Variants in DOK7 observed in about 807,000 individuals in gnomAD.
The protein encoded by DOK7 is protein Dok-7.
Under a neutral mutation model 30.7 loss-of-function variants are expected in DOK7, and 32 were observed. The ratio of observed to expected loss-of-function variants is 1.04; its 90% CI spans 0.79 to 1.40. The LOEUF (loss-of-function observed/expected upper bound fraction) is 1.40. Among genes scored for constraint, DOK7 ranks in the 40% most tolerant of loss-of-function variants. The pLI, the probability that DOK7 is intolerant of heterozygous loss-of-function variation, is 0.00. For missense variants in DOK7, 1,007 were observed against 699.2 expected (o/e 1.44, Z -4.97); for synonymous variants, 447 against 324.1 (o/e 1.38, Z -4.07).
chr4:3,495,923 G>T (rs1049071707), downstream of DOK7, among the ~76,000 whole-genome samples: 1 of 152,184 alleles, frequency 6.6e-6, no homozygotes, highest in Non-Finnish European at 1.5e-5. Context: ...CCTCGTGTGA[G>T]GGTCCCAGCC....
At chr4:3,475,720 C>T (rs1727014914) in intron 3 of DOK7, among the ~76,000 whole-genome samples, 2 of 152,140 alleles carry the variant, frequency 1.3e-5, no homozygotes, top group African/African-American at 4.8e-5. Flanking sequence ...TGGGGGATCC[C>T]TGAGCCTCGG....
intron 5 of DOK7, among the ~76,000 whole-genome samples, chr4:3,486,596 G>A (rs1310338528): frequency 6.6e-6 from 1 of 152,228 alleles, no homozygotes; most frequent in Non-Finnish European, 1.5e-5. Context: ...GGCAGCCCTG[G>A]GAGTGGGGAG....
At chr4:3,485,899 A>G (rs1395230500) in intron 5 of DOK7, among the ~76,000 whole-genome samples, 1 of 151,964 alleles carries the variant, frequency 6.6e-6, no homozygotes, top group Admixed American at 6.5e-5. Flanking sequence ...CGGGGGTCCG[A>G]GCTGTTGGAA....
chr4:3,479,601 C>G (rs1201124105), intron 4 of DOK7, among the ~76,000 whole-genome samples: 9 of 152,364 alleles, frequency 5.9e-5, no homozygotes, highest in Non-Finnish European at 1.5e-5. Flanking sequence ...CTCACTTGGC[C>G]CCGCCACAGC....
rs138797230 is a variant in DOK7, at chr4:3,493,165, C to G, written c.1179C>G (p.Val393=). The G allele has an allele frequency of 7.5e-6, 12 of 1,607,232 alleles. No individual in the cohort carries two copies. In the African/African-American group the frequency reaches 9.4e-5, roughly 13 times the overall value. ...TGTGCACCTGCCTGCCCGGGACAGT[C>G]GAGTACCAGGTGCCCACCTCCCTGC... The part of the protein sequence containing the change: ...PSLCTCLPGT[V]EYQVPTSLRA... Residue 393 remains valine (V), a synonymous_variant, in exon 7 of 7, where the codon GTC becomes GTG. Transcript: ENST00000340083.
At chr4:3,477,885 T>C (rs555858972) in intron 4 of DOK7, among the ~76,000 whole-genome samples, 1 of 152,128 alleles carries the variant, frequency 6.6e-6, no homozygotes, top group Non-Finnish European at 1.5e-5. Context: ...CGGGGTCCCA[T>C]CTGCCCCCAG....
At chr4:3,470,457 C>T (rs1726692787) in intron 2 of DOK7, among the ~76,000 whole-genome samples, 2 of 152,164 alleles carry the variant, frequency 1.3e-5, no homozygotes, top group South Asian at 4.1e-4. Context: ...AGACAGAGTC[C>T]AGAAAAGTCA....
At chr4:3,482,744 A>G (rs966017324) in intron 4 of DOK7, among the ~76,000 whole-genome samples, 17 of 152,308 alleles carry the variant, frequency 1.1e-4, no homozygotes, top group Non-Finnish European at 1.6e-4. Flanking sequence ...GTCTTGGGGA[A>G]GGGGCAGGGG....
downstream of DOK7, among the ~76,000 whole-genome samples, chr4:3,495,526 G>A (rs115112476): frequency 4.1e-3 from 617 of 152,342 alleles, 7 homozygotes; most frequent in African/African-American, 0.014. Flanking sequence ...CTCTCCTCAC[G>A]ATGCTCGTGA....
intron 5 of DOK7, among the ~76,000 whole-genome samples, chr4:3,487,130 G>A (rs766199698): frequency 4.6e-5 from 7 of 152,210 alleles, no homozygotes; most frequent in East Asian, 1.9e-4. Context: ...AGAGTCAGCT[G>A]GGAGCTCTCA....
At chr4:3,473,682 G>T in intron 3 of DOK7, 46 bp downstream of exon 3, 1 of 1,497,480 alleles carries the variant, frequency 6.7e-7, no homozygotes, top group Non-Finnish European at 9.0e-7. Context: ...CCGTTCAGGT[G>T]TGCCGGGGCC....
intron 6 of DOK7, 125 bp from the exon 7 acceptor site, chr4:3,492,634 T>TG: frequency 1.5e-6 from 2 of 1,357,984 alleles, no homozygotes; most frequent in Non-Finnish European, 2.0e-6. Context: ...CCCCGGGGCT[T>TG]GGGGGCTGGA....
chr4:3,491,004 CTTCTT>C (rs1728354254), intron 6 of DOK7, among the ~76,000 whole-genome samples: 1 of 91,706 alleles, frequency 1.1e-5, no homozygotes, highest in Non-Finnish European at 2.5e-5. Flanking sequence ...TTCCTTCCTT[CTTCTT>C]CCTGCTCATT....
chr4:3,486,778 G>A (rs1172445096), intron 5 of DOK7, among the ~76,000 whole-genome samples: 1 of 151,928 alleles, frequency 6.6e-6, no homozygotes, highest in Non-Finnish European at 1.5e-5. Context: ...AGGTGTGGAT[G>A]GTGTGGTCAG....
rs116435392 is a variant in DOK7 at position 3,477,438 on chromosome 4, C to T, written c.532+896C>T. 1.8e-3 allele frequency among the ~76,000 whole-genome samples: 281 copies of T among 152,360 alleles called. 1 individual carries two copies. The highest frequency in any genetic ancestry group is 6.4e-3 in the African/African-American group (267 of 41,584). ...GGTGGAGGAAACGCAGGCAAGGACA[C>T]GGGCCACACTGGCCGCCTGGGACCT... On this transcript the variant is annotated intron_variant, in intron 4 of 6. Coordinates refer to ENST00000340083, the MANE Select transcript of DOK7 (RefSeq NM_173660.5).
At chr4:3,467,200 C>T (rs1319200484) in intron 2 of DOK7, among the ~76,000 whole-genome samples, 2 of 146,450 alleles carry the variant, frequency 1.4e-5, no homozygotes, top group South Asian at 2.3e-4. Flanking sequence ...CCCCCCACTG[C>T]GTCCCCGGCC....
intron 2 of DOK7, among the ~76,000 whole-genome samples, chr4:3,468,110 GTGTGTGTGCATGTGAATACC>G (rs1264644555): frequency 6.6e-6 from 1 of 152,218 alleles, no homozygotes; most frequent in Non-Finnish European, 1.5e-5. Flanking sequence ...CTGTGTCCAC[GTGTGTGTGCATGTGAATACC>G]TGTGTGTGCA....
downstream of DOK7, among the ~76,000 whole-genome samples, chr4:3,498,306 G>C (rs976847266): frequency 1.3e-5 from 2 of 152,198 alleles, no homozygotes; most frequent in Non-Finnish European, 2.9e-5. Flanking sequence ...GGGAGATACA[G>C]ATACGGACAC....
intron 5 of DOK7, 60 bp downstream of exon 5, chr4:3,485,718 G>A (rs1337318498): frequency 9.1e-6 from 13 of 1,433,884 alleles, no homozygotes; most frequent in East Asian, 2.8e-5. Flanking sequence ...GCGACGTCCC[G>A]GGGCGGGGGG....
Sources: allele counts gnomAD v4.1 joint callset (sites outside exome capture counted in the v4.1 genomes callset), GRCh38; gene constraint gnomAD v4.1.1; transcripts MANE v1.5; gene names NCBI Gene and HGNC (gene_info 2026-07-23, HGNC 2026-07-21).